The following SQLE variants were observed in gnomAD, a reference collection of about 807,000 sequenced individuals.
SQLE encodes the protein squalene monooxygenase.
Under a neutral mutation model 60.7 loss-of-function variants are expected in SQLE, and 29 were observed. The observed-to-expected ratio is 0.48, with a 90% CI of 0.36 to 0.65. SQLE has a LOEUF of 0.65. Ranked by LOEUF, SQLE falls within the 30% of genes least tolerant of loss-of-function variation. The probability of loss-of-function intolerance (pLI) is 0.00; values close to 1 mark genes in which losing one functional copy is unlikely to be tolerated. For missense variants in SQLE, 605 were observed against 684.1 expected (o/e 0.88, Z 1.29); for synonymous variants, 237 against 246.8 (o/e 0.96, Z 0.37).
chr8:125,003,501 C>A, intron 2 of SQLE, 73 bp downstream of exon 2: 1 of 1,494,668 alleles, frequency 6.7e-7, no homozygotes, highest in South Asian at 1.3e-5. Context: ...ATCCTATGAC[C>A]AGTAAGAAGG....
chr8:125,004,553 C>A (rs79132080), intron 2 of SQLE, among the ~76,000 whole-genome samples: 13,852 of 150,964 alleles, frequency 0.092, 855 homozygotes, highest in Middle Eastern at 0.14. Context: ...CCTGTTGTTT[C>A]AATTTTTACT....
Position 124,999,526 on chromosome 8 carries a change from G to A in SQLE, c.123G>A (p.Val41=). ...CVLVFLSLGL[V]LSYRCRHRNG... ...TGGTGTTCCTCTCGCTGGGCCTGGTGCTCTCCTACCGCTGTCGCCACCGAA... is the reference window on the plus strand; with the variant it reads ...TGGTGTTCCTCTCGCTGGGCCTGGTACTCTCCTACCGCTGTCGCCACCGAA... Residue 41 remains valine (V), a synonymous_variant, in exon 1 of 11, where the codon GTG becomes GTA. Coordinates refer to ENST00000265896, the MANE Select transcript of SQLE (RefSeq NM_003129.4). The A allele has an allele frequency of 6.2e-7, 1 of 1,612,272 alleles. No homozygotes were observed. The highest frequency in any genetic ancestry group is 8.5e-7 in the Non-Finnish European group (1 of 1,179,128).
rs772477111 is a variant in SQLE at position 124,999,320 on chromosome 8, G to A, written c.-84G>A. On this transcript the variant is annotated 5_prime_UTR_variant, in exon 1 of 11. Coordinates refer to ENST00000265896, the MANE Select transcript of SQLE (RefSeq NM_003129.4). ...TGGCCGGCTCTCCGTGCTCCTCTTG[G>A]TACCTCATTTTGGGGAGAACCTTAA... The A allele has an allele frequency of 7.4e-7, 1 of 1,359,026 alleles. No individual in the cohort carries two copies. Among genetic ancestry groups the A allele is most frequent in the Middle Eastern group, 2.0e-4 (1 of 4,978 alleles). The allele number at this position is 1,359,026 out of a possible 1,614,324, so 84.2% of individuals were successfully genotyped here.
intron 6 of SQLE, among the ~76,000 whole-genome samples, chr8:125,010,437 T>C (rs1815020463): frequency 6.6e-6 from 1 of 152,196 alleles, no homozygotes; most frequent in Non-Finnish European, 1.5e-5. Flanking sequence ...GAAACCCTCA[T>C]TGTCAATTAT....
At chr8:125,004,251 T>G (rs1311984029) in intron 2 of SQLE, among the ~76,000 whole-genome samples, 1 of 152,224 alleles carries the variant, frequency 6.6e-6, no homozygotes, top group Non-Finnish European at 1.5e-5. Context: ...GTACTTCACT[T>G]TTCAAACTTA....
intron 1 of SQLE, among the ~76,000 whole-genome samples, chr8:125,000,276 C>T (rs1027166167): frequency 6.6e-6 from 1 of 152,110 alleles, no homozygotes; most frequent in Admixed American, 6.6e-5. Context: ...GTTGGGATTC[C>T]TGCAAAGGGA....
intron 6 of SQLE, chr8:125,010,967 A>G (rs2129893655): frequency 6.6e-6 from 1 of 152,228 alleles, no homozygotes; most frequent in South Asian, 2.1e-4. Flanking sequence ...ATTGTATGAC[A>G]GTTCATTTTC....
chr8:125,017,127 C>T (rs542621696), intron 7 of SQLE, among the ~76,000 whole-genome samples: 48 of 152,042 alleles, frequency 3.2e-4, no homozygotes, highest in African/African-American at 7.2e-4. Flanking sequence ...GCCTGGTCAC[C>T]GCTGATGTTC....
At chr8:125,008,774 CAG>C (rs1020596704) in intron 4 of SQLE, among the ~76,000 whole-genome samples, 195 bp from the exon 5 acceptor site, 2 of 152,182 alleles carry the variant, frequency 1.3e-5, no homozygotes, top group Non-Finnish European at 2.9e-5. Flanking sequence ...CTCAGGGACT[CAG>C]AGGAAGTATC....
rs141216229 is a variant in SQLE at position 125,011,573 on chromosome 8, A to G, written c.1145A>G (p.Asn382Ser). 4.5e-4 allele frequency: 719 copies of G among 1,588,494 alleles called. 4 individuals carry two copies. In the African/African-American group the frequency reaches 8.6e-3, roughly 19 times the overall value. Residue 382 changes from asparagine (N) to serine (S), a missense_variant, in exon 7 of 11, where the codon AAT becomes AGT. Asn to Ser is a conservative substitution (Grantham distance 46). Coordinates refer to ENST00000265896, the MANE Select transcript of SQLE (RefSeq NM_003129.4). ...GAACCATTCTTAGAAGCCACTGACA[A>G]TTCTCATCTGAGGTCCATGCCAGCA... ...LKEPFLEATDNSHLRSMPASF... is the reference protein window; with the variant it reads ...LKEPFLEATDSSHLRSMPASF...
rs1231188515 is a variant in SQLE at position 125,020,879 on chromosome 8, G to A, written c.1532+8G>A. On this transcript the variant is annotated splice_region_variant and intron_variant, in intron 10 of 10. Coordinates refer to ENST00000265896, the MANE Select transcript of SQLE (RefSeq NM_003129.4). ...TGTTGGGCTGCTTTCTGTGTAAGTT[G>A]TGATGGCACAGAGGATACAAACCTG... The A allele has an allele frequency of 6.2e-7, 1 of 1,605,766 alleles. No homozygotes were observed. Among genetic ancestry groups the A allele is most frequent in the Non-Finnish European group, 8.5e-7 (1 of 1,172,862 alleles).
intron 1 of SQLE, among the ~76,000 whole-genome samples, chr8:125,001,279 C>T (rs1814844164): frequency 6.6e-6 from 1 of 152,062 alleles, no homozygotes; most frequent in South Asian, 2.1e-4. Context: ...AATTGGGTTA[C>T]CAGCAATCAA....
rs774013521 is a variant in SQLE at position 124,999,485 on chromosome 8, G to C, written c.82G>C (p.Val28Leu). ...GDFITLANRE[V>L]LLCVLVFLSL... The stretch of plus-strand genomic sequence containing the variant: ...CTTCATCACTTTGGCCAACAGGGAG[G>C]TCCTGTTGTGCGTGCTGGTGTTCCT... Residue 28 changes from valine to leucine, a missense_variant, in exon 1 of 11, where the codon GTC (valine) becomes CTC (leucine). Val to Leu is a conservative substitution (Grantham distance 32, BLOSUM62 1). Transcript: ENST00000265896. The C allele has an allele frequency of 2.5e-6, 4 of 1,600,752 alleles. No homozygotes were observed. In the Admixed American group the frequency reaches 6.9e-5, roughly 28 times the overall value.
chr8:124,998,909 T>A lies in SQLE; in HGVS notation c.-495T>A, dbSNP rs1315153129. ...CGCAGCCCCCGTGCCTTCCGGCCGC[T>A]GCTCGCCGTCGCCAGAGGCTAGGCC... is the stretch of plus-strand genomic sequence containing the variant. On this transcript the variant is annotated 5_prime_UTR_variant, in exon 1 of 11. Coordinates refer to ENST00000265896, the MANE Select transcript of SQLE (RefSeq NM_003129.4). The A allele has an allele frequency of 1.5e-4, 54 of 365,266 alleles. No individual in the cohort carries two copies. In the East Asian group the frequency reaches 2.3e-3, roughly 16 times the overall value. 22.6% of individuals were successfully genotyped at this position (365,266 alleles called of 1,614,324 possible). A position where few individuals can be genotyped will look rare whatever the true frequency, so the allele number is the denominator to read the frequency against.
chr8:125,006,825 C>T (rs144904509), intron 3 of SQLE, among the ~76,000 whole-genome samples: 17,025 of 151,422 alleles, frequency 0.11, 1,253 homozygotes, highest in East Asian at 0.24. Context: ...CTGCCTCAGC[C>T]TCCCGAGTAG....
chr8:125,009,788 C>T (rs377733322), intron 6 of SQLE, among the ~76,000 whole-genome samples: 4 of 149,646 alleles, frequency 2.7e-5, no homozygotes, highest in Middle Eastern at 3.4e-3. Flanking sequence ...AGCGAAACTC[C>T]GTCTCAAAAA....
chr8:125,011,642 T>G lies in SQLE; in HGVS notation c.1204+10T>G. 1 of 1,555,580 alleles carries G rather than the reference T, an allele frequency of 6.4e-7. No individual in the cohort carries two copies. Among genetic ancestry groups the G allele is most frequent in the South Asian group, 1.2e-5 (1 of 84,248 alleles). On this transcript the variant is annotated intron_variant, in intron 7 of 10. Coordinates refer to ENST00000265896, the MANE Select transcript of SQLE (RefSeq NM_003129.4). ...TCAGTGAAGAAACGAGGTATTATTT[T>G]TTGGGCTTATTTTATAAAGGAATCA...
intron 2 of SQLE, among the ~76,000 whole-genome samples, chr8:125,004,629 A>C (rs1023802626): frequency 6.6e-6 from 1 of 151,954 alleles, no homozygotes; most frequent in Non-Finnish European, 1.5e-5. Flanking sequence ...CTTTATATGA[A>C]TCATCCATAC....
rs760505492 is a variant in SQLE at position 125,007,483 on chromosome 8, T to A, written c.818T>A (p.Ile273Asn). Residue 273 changes from isoleucine (I) to asparagine (N), a missense_variant, in exon 4 of 11, where the codon ATC becomes AAC. Physicochemically the swap from Ile to Asn is moderately radical, Grantham distance 149 (BLOSUM62 -3). Coordinates refer to ENST00000265896, the MANE Select transcript of SQLE (RefSeq NM_003129.4). ...VQYKDKETGD[I>N]KELHAPLTVV... is the part of the protein sequence containing the mutation. ...TACAAGGATAAAGAGACTGGAGATA[T>A]CAAGGTGAGAAATACCAAATGTCAC... 17 of 1,539,610 alleles carry A rather than the reference T, an allele frequency of 1.1e-5. 1 individual carries two copies. The South Asian group carries it at 1.8e-4, about 17-fold the overall frequency.
Sources: gnomAD v4.1 joint callset for allele counts (sites outside exome capture counted in the v4.1 genomes callset) on GRCh38, gnomAD v4.1.1 for gene constraint, MANE v1.5 for transcripts, NCBI Gene and HGNC (gene_info 2026-07-23, HGNC 2026-07-21) for gene names.